FSD1L: variants seen among roughly 807,000 people sequenced by gnomAD.
FSD1L encodes the protein fibronectin type III and SPRY domain containing 1 like, also known as FSD1-like protein.
In FSD1L, 45 loss-of-function variants were observed where a neutral mutation model predicts 71.6. The observed-to-expected ratio is 0.63, with a 90% CI of 0.49 to 0.81. The LOEUF is 0.81. Among genes scored for constraint, FSD1L ranks in the 30% least tolerant of loss-of-function variants. FSD1L has a pLI of 0.00. For synonymous variants in FSD1L, 197 were observed against 207.2 expected, an observed-to-expected ratio of 0.95 and a Z score of 0.42; for missense variants, 561 against 618.1, an observed-to-expected ratio of 0.91 and a Z score of 0.98.
intron 7 of FSD1L, among the ~76,000 whole-genome samples, chr9:105,489,522 A>T (rs1832778228): frequency 1.3e-5 from 2 of 152,074 alleles, no homozygotes; most frequent in Admixed American, 1.3e-4. Context: ...TTATTATTAT[A>T]CTTCTAAGTT....
At position 105,448,242 on chromosome 9, in the gene FSD1L, G is replaced by C. The variant is rs765498752; in HGVS notation, c.15+7G>C. The stretch of plus-strand genomic sequence containing the variant: ...CGCCATGGACTCCCAGAAAGTAAGC[G>C]GGGGAGGGGAGCCCGGGGCTACCGA... On this transcript the variant is annotated splice_region_variant and intron_variant, in intron 1 of 13. Transcript: ENST00000481272. 5 of 1,536,944 alleles carry C rather than the reference G, an allele frequency of 3.3e-6. No homozygotes were observed. The South Asian group carries it at 6.0e-5, about 18-fold the overall frequency.
At chr9:105,544,026 T>C (rs1218556133) in intron 13 of FSD1L, among the ~76,000 whole-genome samples, 1 of 152,248 alleles carries the variant, frequency 6.6e-6, no homozygotes, top group Non-Finnish European at 1.5e-5. Context: ...CCACAATGGT[T>C]GAACCAGTTT....
chr9:105,524,682 C>T (rs112090055), intron 10 of FSD1L: 552 of 1,613,890 alleles, frequency 3.4e-4, no homozygotes, highest in African/African-American at 2.4e-3. Context: ...TGAGCCTCTG[C>T]GCTCTCCTGA....
intron 7 of FSD1L, among the ~76,000 whole-genome samples, chr9:105,499,510 A>G (rs547606932): frequency 1.4e-4 from 22 of 152,018 alleles, no homozygotes; most frequent in African/African-American, 5.3e-4. Flanking sequence ...CTCCTTCACT[A>G]CTGAAGGATA....
intron 9 of FSD1L, among the ~76,000 whole-genome samples, chr9:105,511,966 T>A (rs905406225): frequency 6.6e-6 from 1 of 152,092 alleles, no homozygotes; most frequent in Non-Finnish European, 1.5e-5. Context: ...AGTTAGTAAC[T>A]GTGTAATAGC....
intron 10 of FSD1L, chr9:105,523,491 G>A (rs1589074792): frequency 3.1e-6 from 5 of 1,613,054 alleles, no homozygotes; most frequent in African/African-American, 1.3e-5. Context: ...TTCAATCATG[G>A]ATCCTGAAAT....
chr9:105,518,067 G>T (rs932958283), intron 10 of FSD1L, among the ~76,000 whole-genome samples: 1 of 152,094 alleles, frequency 6.6e-6, no homozygotes, highest in East Asian at 1.9e-4. Context: ...ACAAAGAAGG[G>T]CATTACATAA....
At position 105,523,879 on chromosome 9, in the gene FSD1L, T is replaced by C. The variant is rs936457040; in HGVS notation, c.1026-10614T>C. On this transcript the variant is annotated intron_variant, in intron 10 of 13. Coordinates refer to ENST00000481272, the MANE Select transcript of FSD1L (RefSeq NM_001145313.3). ...TCACTTGGTTTGCCTGGTGCCACAA[T>C]GCTTATTATGGATTTTATTGTAGCA... 2.5e-6 allele frequency: 4 copies of C among 1,593,276 alleles called. No homozygotes were observed. The African/African-American group carries it at 5.4e-5, about 21-fold the overall frequency.
At chr9:105,475,705 A>G (rs905684554) in intron 5 of FSD1L, among the ~76,000 whole-genome samples, 2 of 152,228 alleles carry the variant, frequency 1.3e-5, no homozygotes, top group African/African-American at 4.8e-5. Context: ...ACAGAAATGC[A>G]ATCTCCTATT....
intron 13 of FSD1L, among the ~76,000 whole-genome samples, chr9:105,542,870 A>G (rs1238851829): frequency 6.6e-6 from 1 of 152,184 alleles, no homozygotes; most frequent in Admixed American, 6.5e-5. Context: ...CATTTCAGAG[A>G]GAAGTTTTTC....
At chr9:105,536,279 C>T (rs1836259424) in intron 12 of FSD1L, among the ~76,000 whole-genome samples, 1 of 152,210 alleles carries the variant, frequency 6.6e-6, no homozygotes, top group East Asian at 1.9e-4. Flanking sequence ...ATTACGTTTC[C>T]TCACTCATGT....
chr9:105,451,242 G>A (rs1479017782), intron 1 of FSD1L, among the ~76,000 whole-genome samples: 8 of 152,138 alleles, frequency 5.3e-5, no homozygotes, highest in Admixed American at 2.0e-4. Flanking sequence ...TACAGGCGTG[G>A]GCCACCGCGC....
Position 105,549,184 on chromosome 9 carries a change from A to C in FSD1L, c.*2701A>C, listed in dbSNP as rs961004618. ...AAAAGAAATGCTTGAGAGGTTGACT[A>C]TAATGGATATGTCACAGGTATAAAA... On this transcript the variant is annotated 3_prime_UTR_variant, in exon 14 of 14. Coordinates refer to ENST00000481272, the MANE Select transcript of FSD1L (RefSeq NM_001145313.3). The C allele has an allele frequency of 6.6e-6, 1 of 152,094 alleles. No homozygotes were observed. The highest frequency in any genetic ancestry group is 2.4e-5 in the African/African-American group (1 of 41,454). The allele number at this position is 152,094 out of a possible 1,614,324, so 9.4% of individuals were successfully genotyped here.
intron 7 of FSD1L, 68 bp from the exon 8 acceptor site, chr9:105,506,331 A>G (rs1300962170): frequency 1.6e-5 from 18 of 1,150,814 alleles, no homozygotes; most frequent in African/African-American, 3.1e-5. Context: ...TAAATGTGAT[A>G]TCAATATTTG....
chr9:105,512,504 G>T (rs543634047), intron 9 of FSD1L, among the ~76,000 whole-genome samples: 1 of 152,188 alleles, frequency 6.6e-6, no homozygotes, highest in East Asian at 1.9e-4. Context: ...AGGAAATTTA[G>T]GTTACTGTGT....
rs995450295 is a variant in FSD1L, at chr9:105,457,235, G to T, written c.16-4285G>T. Reference sequence around the variant, plus strand: ...GGGCTCCTAGGTAGAAAGCAAGTCAGATTAGATAAATTCATAGCAGGCTAT... The same window carrying T: ...GGGCTCCTAGGTAGAAAGCAAGTCATATTAGATAAATTCATAGCAGGCTAT... On this transcript the variant is annotated intron_variant, in intron 1 of 13. Transcript: ENST00000481272. 2.6e-5 allele frequency among the ~76,000 whole-genome samples: 4 copies of T among 152,346 alleles called. No individual in the cohort carries two copies. In the East Asian group the frequency reaches 7.7e-4, roughly 29 times the overall value.
Position 105,520,227 on chromosome 9 carries a change from G to A in FSD1L, c.1025+7291G>A. On this transcript the variant is annotated intron_variant, in intron 10 of 13. Coordinates refer to ENST00000481272, the MANE Select transcript of FSD1L (RefSeq NM_001145313.3). ...GACTCGCCTCAAGCACCTGCGCATC[G>A]TCATCGAGTTAATGGTGGAACTGGC... 9 of 1,610,234 alleles carry A rather than the reference G, an allele frequency of 5.6e-6. No homozygotes were observed. The South Asian group carries it at 7.7e-5, about 14-fold the overall frequency.
chr9:105,483,964 A>G (rs1832372247), intron 6 of FSD1L, among the ~76,000 whole-genome samples: 1 of 152,162 alleles, frequency 6.6e-6, no homozygotes, highest in African/African-American at 2.4e-5. Context: ...ATTTGAATCA[A>G]GGTGTGATTC....
At chr9:105,543,324 A>G (rs1836749798) in intron 13 of FSD1L, among the ~76,000 whole-genome samples, 1 of 152,212 alleles carries the variant, frequency 6.6e-6, no homozygotes, top group Admixed American at 6.5e-5. Flanking sequence ...AGTGTCAATG[A>G]TCTGTATTTT....
Sources: gnomAD v4.1 joint callset for allele counts (sites outside exome capture counted in the v4.1 genomes callset) on GRCh38, gnomAD v4.1.1 for gene constraint, MANE v1.5 for transcripts, NCBI Gene and HGNC (gene_info 2026-07-23, HGNC 2026-07-21) for gene names.